The following SPG11 variants were observed in gnomAD, a reference collection of about 807,000 sequenced individuals.
SPG11 encodes SPG11 vesicle trafficking associated, spatacsin.
Under a neutral mutation model 274.0 loss-of-function variants are expected in SPG11, and 222 were observed. The observed-to-expected ratio is 0.81, with a 90% CI of 0.73 to 0.91. SPG11 has a LOEUF of 0.91. Ranked by LOEUF, SPG11 falls within the 40% of genes least tolerant of loss-of-function variation. The pLI is 0.00. For synonymous variants in SPG11, 1,144 were observed against 1,039.7 expected (o/e 1.10, Z -1.93); for missense variants, 3,114 against 2,872.7 (o/e 1.08, Z -1.92).
chr15:44,573,233 C>G, intron 32 of SPG11: 2 of 539,092 alleles, frequency 3.7e-6, no homozygotes, highest in Non-Finnish European at 6.6e-6. Context: ...GATCTGCCAG[C>G]CTTGGCCTCC....
In SPG11 at chr15:44,564,802, A is replaced by G. The variant is rs1053934754; in HGVS notation, c.7000-104T>C. 20 of 1,218,746 alleles carry G rather than the reference A, an allele frequency of 1.6e-5. No individual in the cohort carries two copies. In the South Asian group the frequency reaches 2.3e-4, roughly 14 times the overall value. The allele number at this position is 1,218,746 out of a possible 1,614,324, so 75.5% of individuals were successfully genotyped here. On this transcript the variant is annotated intron_variant, in intron 38 of 39. Coordinates refer to ENST00000261866, the MANE Select transcript of SPG11 (RefSeq NM_025137.4). ...TACTGTATACTCACTCATGTAGTGAATATGATCATTACCAATTATGTTAAA... is the reference window on the plus strand; with the variant it reads ...TACTGTATACTCACTCATGTAGTGAGTATGATCATTACCAATTATGTTAAA...
chr15:44,663,600 G>C lies in SPG11; in HGVS notation c.48C>G (p.Ser16Arg), dbSNP rs770194020. 6.9e-6 allele frequency: 11 copies of C among 1,596,098 alleles called. No individual in the cohort carries two copies. The highest frequency in any genetic ancestry group is 7.7e-6 in the Non-Finnish European group (9 of 1,175,062). Reference protein sequence around the residue: ...GVASAASAGGSWGTAAMGRVL... With the variant: ...GVASAASAGGRWGTAAMGRVL... ...CCCGCCCCATGGCCGCGGTGCCCCA[G>C]CTACCGCCGGCGGAAGCAGCACTCG... is the stretch of plus-strand genomic sequence containing the variant. The change falls in exon 1 of 40, where the codon AGC becomes AGG. Residue 16 changes from serine (S) to arginine (R), a missense_variant. Coordinates refer to ENST00000261866, the MANE Select transcript of SPG11 (RefSeq NM_025137.4).
Position 44,567,516 on chromosome 15 carries a change from A to G in SPG11, c.6662T>C (p.Ile2221Thr), listed in dbSNP as rs376586872. The G allele has an allele frequency of 1.9e-6, 3 of 1,614,076 alleles. No homozygotes were observed. Among genetic ancestry groups the G allele is most frequent in the Non-Finnish European group, 2.5e-6 (3 of 1,180,008 alleles). Residue 2221 changes from isoleucine to threonine, a missense_variant, in exon 36 of 40, where the codon ATT (isoleucine) becomes ACT (threonine). Coordinates refer to ENST00000261866, the MANE Select transcript of SPG11 (RefSeq NM_025137.4). ...RPGDSEKHNM[I>T]ALCFSMCREI... ...CCGGCACATGCTGAAGCACAGGGCA[A>G]TCATATTGTGCTTTTCACTGTCTCC...
At chr15:44,575,945 C>A (rs2082527055) in intron 30 of SPG11, among the ~76,000 whole-genome samples, 1 of 151,614 alleles carries the variant, frequency 6.6e-6, no homozygotes, top group Non-Finnish European at 1.5e-5. Context: ...GAGTTCGAGA[C>A]CAGCCTGACC....
chr15:44,586,803 A>T (rs184994406), intron 28 of SPG11, among the ~76,000 whole-genome samples: 31 of 152,302 alleles, frequency 2.0e-4, no homozygotes, highest in African/African-American at 7.5e-4. Flanking sequence ...TTTATCTCCT[A>T]CCTTGATCAA....
chr15:44,600,395 C>T, intron 21 of SPG11, 72 bp downstream of exon 21: 1 of 1,546,722 alleles, frequency 6.5e-7, no homozygotes, highest in Middle Eastern at 1.7e-4. Flanking sequence ...AGTGATCCTC[C>T]TGCTTCCCAA....
At chr15:44,615,599 A>C (rs972816648) in intron 15 of SPG11, 33 bp from the exon 16 acceptor site, 6 of 1,603,904 alleles carry the variant, frequency 3.7e-6, no homozygotes, top group Non-Finnish European at 5.1e-6. Context: ...TCAAGTTAAA[A>C]AGTTGCTATG....
intron 32 of SPG11, 46 bp downstream of exon 32, chr15:44,573,501 A>C: frequency 4.4e-6 from 7 of 1,596,930 alleles, no homozygotes; most frequent in Non-Finnish European, 5.2e-6. Context: ...ACTGGGAACT[A>C]GAGAATGCTG....
Position 44,589,751 on chromosome 15 carries a change from A to G in SPG11, c.4744-337T>C, listed in dbSNP as rs773210763. Among the ~76,000 whole-genome samples, 50 of 152,206 alleles carry G rather than the reference A, an allele frequency of 3.3e-4. 1 individual carries two copies. The highest frequency in any genetic ancestry group is 6.3e-4 in the Non-Finnish European group (43 of 68,028). On this transcript the variant is annotated intron_variant, in intron 27 of 39. Transcript: ENST00000261866. ...TTCCTACTTAGTGACTGTCAAATTA[A>G]TAGCCCTTTGAGTCACTGTAAAATT... is the stretch of plus-strand genomic sequence containing the variant.
intron 27 of SPG11, 23 bp downstream of exon 27, chr15:44,592,308 A>C (rs764072544): frequency 1.4e-6 from 2 of 1,426,300 alleles, no homozygotes; most frequent in Admixed American, 3.3e-5. Flanking sequence ...TCAGTGAGAA[A>C]GAGCACCATA....
At position 44,648,745 on chromosome 15, in the gene SPG11, T is replaced by C. The variant is rs565944283; in HGVS notation, c.1602+121A>G. 9.7e-6 allele frequency: 11 copies of C among 1,135,182 alleles called. No individual in the cohort carries two copies. In the East Asian group the frequency reaches 2.1e-4, roughly 22 times the overall value. 70.3% of individuals were successfully genotyped at this position (1,135,182 alleles called of 1,614,324 possible). A position where few individuals can be genotyped will look rare whatever the true frequency, so the allele number is the denominator to read the frequency against. On this transcript the variant is annotated intron_variant, in intron 7 of 39. Transcript: ENST00000261866. ...AAACAGCCAGAACTGTTTAAATAGA[T>C]ATACAAAGGCTATAGTTCTTTTTGC...
chr15:44,652,471 G>A (rs1229078669), intron 4 of SPG11, among the ~76,000 whole-genome samples: 4 of 152,110 alleles, frequency 2.6e-5, no homozygotes, highest in African/African-American at 9.7e-5. Flanking sequence ...CAGTTAGCTT[G>A]ATAAAGCAGT....
At chr15:44,609,475 T>C (rs946294736) in intron 18 of SPG11, among the ~76,000 whole-genome samples, 1 of 152,016 alleles carries the variant, frequency 6.6e-6, no homozygotes, top group African/African-American at 2.4e-5. Flanking sequence ...ACTCTACTTC[T>C]AAAAAGCAAA....
chr15:44,634,467 A>T (rs916339743), intron 7 of SPG11, among the ~76,000 whole-genome samples: 17 of 150,038 alleles, frequency 1.1e-4, no homozygotes, highest in Non-Finnish European at 1.6e-4. Flanking sequence ...TGTATTTTTA[A>T]TAGACGGGTT....
At chr15:44,587,207 T>A (rs1388613686) in intron 28 of SPG11, among the ~76,000 whole-genome samples, 1 of 152,170 alleles carries the variant, frequency 6.6e-6, no homozygotes, top group Non-Finnish European at 1.5e-5. Flanking sequence ...CAACAATTTA[T>A]GTGGCTGAGT....
chr15:44,604,467 C>T (rs571158083), intron 20 of SPG11, among the ~76,000 whole-genome samples: 1 of 152,110 alleles, frequency 6.6e-6, no homozygotes, highest in Non-Finnish European at 1.5e-5. Flanking sequence ...CACGTTGGGG[C>T]TTAGTGTGGA....
intron 30 of SPG11, among the ~76,000 whole-genome samples, chr15:44,579,167 A>T (rs1038491303): frequency 3.3e-5 from 5 of 151,606 alleles, no homozygotes; most frequent in African/African-American, 4.8e-5. Context: ...CGAAAAACAA[A>T]AACAAGAAAA....
intron 17 of SPG11, among the ~76,000 whole-genome samples, chr15:44,611,559 T>G (rs987689972): frequency 2.2e-4 from 34 of 152,272 alleles, no homozygotes; most frequent in African/African-American, 7.7e-4. Context: ...TGGAAAGCAA[T>G]CCGGTCCTAC....
Position 44,626,703 on chromosome 15 carries a change from C to T in SPG11, c.2068-196G>A, listed in dbSNP as rs545813086. Among the ~76,000 whole-genome samples the T allele has an allele frequency of 3.3e-5, 5 of 152,224 alleles. 1 individual carries two copies. Among genetic ancestry groups the T allele is most frequent in the African/African-American group, 1.2e-4 (5 of 41,556 alleles). On this transcript the variant is annotated intron_variant, in intron 10 of 39. Transcript: ENST00000261866. ...CTACACTCCAGGAGCTAGTGGAAGA[C>T]ACACCGATTATAGTACTGTATGATA...
Sources: allele counts gnomAD v4.1 joint callset (sites outside exome capture counted in the v4.1 genomes callset), GRCh38; gene constraint gnomAD v4.1.1; transcripts MANE v1.5; gene names NCBI Gene and HGNC (gene_info 2026-07-23, HGNC 2026-07-21).